MTX2: variants seen among roughly 807,000 people sequenced by gnomAD.
MTX2 encodes metaxin-2.
MTX2 carries 35 observed loss-of-function variants against 42.3 expected under a neutral mutation model. That is an observed-to-expected ratio of 0.83 (90% CI 0.63 to 1.10). The LOEUF (loss-of-function observed/expected upper bound fraction) is 1.10. MTX2 is among the 50% of genes least tolerant of loss of function. The pLI is 0.00. For missense variants in MTX2, 307 were observed against 304.1 expected (o/e 1.01, Z -0.07); for synonymous variants, 119 against 100.9 (o/e 1.18, Z -1.08).
chr2:176,279,477 T>A (rs1483663061), intron 1 of MTX2, among the ~76,000 whole-genome samples: 1 of 152,126 alleles, frequency 6.6e-6, no homozygotes, highest in Non-Finnish European at 1.5e-5. Flanking sequence ...TATAGAAAAA[T>A]GTTTTGGCAT....
chr2:176,307,482 A>G (rs2105423565), intron 3 of MTX2, among the ~76,000 whole-genome samples: 1 of 152,334 alleles, frequency 6.6e-6, no homozygotes, highest in South Asian at 2.1e-4. Flanking sequence ...GAATCTATAA[A>G]TTACTTCAGG....
At chr2:176,272,722 A>G (rs1371018971) in intron 1 of MTX2, among the ~76,000 whole-genome samples, 2 of 152,168 alleles carry the variant, frequency 1.3e-5, no homozygotes, top group South Asian at 2.1e-4. Context: ...ATATGTTTAT[A>G]TATGTTAAGA....
At position 176,337,867 on chromosome 2, in the gene MTX2, TTCTG is replaced by T. The variant is rs1685036059; in HGVS notation, c.*205_*208del. ...GAATTATTTAATCTGATATGTTGTA[TTCTG>T]TATCTTGAAATTTTTGTTTCCTTGA... On this transcript the variant is annotated 3_prime_UTR_variant, in exon 10 of 10. Coordinates refer to ENST00000249442, the MANE Select transcript of MTX2 (RefSeq NM_006554.5). The T allele has an allele frequency of 5.2e-6, 2 of 386,548 alleles. No individual in the cohort carries two copies. Among genetic ancestry groups the T allele is most frequent in the Non-Finnish European group, 8.8e-6 (2 of 227,782 alleles). 23.9% of individuals were successfully genotyped at this position (386,548 alleles called of 1,614,324 possible).
At chr2:176,337,429 A>C in intron 9 of MTX2, 64 bp from the exon 10 acceptor site, 1 of 1,397,306 alleles carries the variant, frequency 7.2e-7, no homozygotes, top group Non-Finnish European at 9.7e-7. Flanking sequence ...AAGAGGGCCA[A>C]CTGTGTTTTC....
In MTX2 at chr2:176,326,877, A is replaced by G. The variant is rs1684719252; in HGVS notation, c.261A>G (p.Pro87=). ...VGNQVVSELG[P]IVQFVKAKGH... ...ATCAAGTAGTATCAGAACTTGGTCCAATAGTCCAATTTGTTAAAGCCAAGG... is the reference window on the plus strand; with the variant it reads ...ATCAAGTAGTATCAGAACTTGGTCCGATAGTCCAATTTGTTAAAGCCAAGG... The change falls in exon 5 of 10, where the codon CCA becomes CCG. Residue 87 remains proline, a synonymous_variant. Coordinates refer to ENST00000249442, the MANE Select transcript of MTX2 (RefSeq NM_006554.5). The G allele has an allele frequency of 1.9e-6, 3 of 1,570,746 alleles. No individual in the cohort carries two copies. In the African/African-American group the frequency reaches 4.1e-5, roughly 21 times the overall value.
At chr2:176,333,092 G>A (rs1166794674) in intron 9 of MTX2, among the ~76,000 whole-genome samples, 1 of 151,254 alleles carries the variant, frequency 6.6e-6, no homozygotes. Flanking sequence ...AATGTAAGAA[G>A]GCATCAAATT....
rs1443692243 is a variant in MTX2, at chr2:176,297,851, G to A, written c.91G>A (p.Glu31Lys). ...NATLYQQLKG[E>K]QILLSDNAAS... ...TATGCTTCATTGTATTTCCACAGGGGAGCAAATTTTACTTTCTGACAATGC... is the reference window on the plus strand; with the variant it reads ...TATGCTTCATTGTATTTCCACAGGGAAGCAAATTTTACTTTCTGACAATGC... Residue 31 changes from glutamate (E) to lysine (K), a missense_variant and splice_region_variant, in exon 3 of 10, where the codon GAG becomes AAG. By Grantham distance (56) the Glu-to-Lys change is moderately conservative. Transcript: ENST00000249442. 1 of 1,560,476 alleles carries A rather than the reference G, an allele frequency of 6.4e-7. No homozygotes were observed. The highest frequency in any genetic ancestry group is 2.3e-5 in the East Asian group (1 of 42,802).
chr2:176,276,992 G>A (rs892577990), intron 1 of MTX2, among the ~76,000 whole-genome samples: 1 of 152,012 alleles, frequency 6.6e-6, no homozygotes, highest in Non-Finnish European at 1.5e-5. Flanking sequence ...GTGGGCATTT[G>A]GGTGCTTAAT....
rs1324094468 is a variant in MTX2, at chr2:176,329,378, C to A, written c.495C>A (p.Val165=). ...HILAYQKQWE[V]KRKMKAIGWG... ...TGGCCTATCAAAAACAGTGGGAAGT[C>A]AAACGTAAGATGAAAGCTATTGGAT... Residue 165 remains valine, a synonymous_variant, in exon 8 of 10, where the codon GTC becomes GTA. Transcript: ENST00000249442. The A allele has an allele frequency of 4.4e-6, 7 of 1,607,522 alleles. No homozygotes were observed. The African/African-American group carries it at 8.1e-5, about 19-fold the overall frequency.
At chr2:176,303,014 T>C (rs1189553359) in intron 3 of MTX2, among the ~76,000 whole-genome samples, 1 of 152,144 alleles carries the variant, frequency 6.6e-6, no homozygotes, top group Non-Finnish European at 1.5e-5. Context: ...TAAATTTGTC[T>C]TGTCATTTAA....
chr2:176,296,898 CAATTGA>C lies in MTX2; in HGVS notation c.82_87del (p.Leu28_Lys29del). 2 of 1,613,056 alleles carry C rather than the reference CAATTGA, an allele frequency of 1.2e-6. No homozygotes were observed. Among genetic ancestry groups the C allele is most frequent in the Non-Finnish European group, 1.7e-6 (2 of 1,179,290 alleles). The stretch of plus-strand genomic sequence containing the variant: ...GCCTGAAAATGCTACATTATATCAG[CAATTGA>C]AAGGTAAGTCTTGTTCACAATTAAA... On this transcript the variant is annotated inframe_deletion, in exon 2 of 10. Transcript: ENST00000249442.
At chr2:176,301,628 T>G (rs1381582772) in intron 3 of MTX2, among the ~76,000 whole-genome samples, 2 of 152,132 alleles carry the variant, frequency 1.3e-5, no homozygotes, top group Non-Finnish European at 2.9e-5. Flanking sequence ...ACCCAGGAAG[T>G]CTGGATCGAC....
At chr2:176,322,950 A>G (rs1684619515) in intron 3 of MTX2, among the ~76,000 whole-genome samples, 1 of 151,912 alleles carries the variant, frequency 6.6e-6, no homozygotes, top group Non-Finnish European at 1.5e-5. Flanking sequence ...ACTTTGAGGT[A>G]GCAGAGATAG....
intron 1 of MTX2, among the ~76,000 whole-genome samples, chr2:176,277,624 A>C (rs188730327): frequency 6.6e-6 from 1 of 151,908 alleles, no homozygotes; most frequent in East Asian, 1.9e-4. Flanking sequence ...CTGGTCTCGA[A>C]CTCCCGACCT....
At chr2:176,289,747 A>G (rs1469796735) in intron 1 of MTX2, among the ~76,000 whole-genome samples, 1 of 152,118 alleles carries the variant, frequency 6.6e-6, no homozygotes, top group Non-Finnish European at 1.5e-5. Flanking sequence ...TTTCTTTATC[A>G]TGAAATAATT....
chr2:176,312,863 C>CA (rs557475003), intron 3 of MTX2, among the ~76,000 whole-genome samples: 9,254 of 55,218 alleles, frequency 0.17, 990 homozygotes, highest in African/African-American at 0.36. Flanking sequence ...AATGCCATCT[C>CA]AAAAAAAAAA....
At chr2:176,297,335 G>T (rs558484209) in intron 2 of MTX2, among the ~76,000 whole-genome samples, 1 of 152,244 alleles carries the variant, frequency 6.6e-6, no homozygotes, top group South Asian at 2.1e-4. Context: ...CCCCATTTGG[G>T]GCTTAGCAGC....
chr2:176,312,863 CAAAAAAAAAA>C (rs557475003), intron 3 of MTX2, among the ~76,000 whole-genome samples: 1 of 56,030 alleles, frequency 1.8e-5, no homozygotes, highest in African/African-American at 5.5e-5. Flanking sequence ...AATGCCATCT[CAAAAAAAAAA>C]AAAAAAAAAA....
chr2:176,320,602 C>T (rs1447695685), intron 3 of MTX2, among the ~76,000 whole-genome samples: 1 of 152,064 alleles, frequency 6.6e-6, no homozygotes, highest in Non-Finnish European at 1.5e-5. Flanking sequence ...ACTGATTCCC[C>T]ACCACCTCTT....
Sources: allele counts gnomAD v4.1 joint callset (sites outside exome capture counted in the v4.1 genomes callset), GRCh38; gene constraint gnomAD v4.1.1; transcripts MANE v1.5; gene names NCBI Gene and HGNC (gene_info 2026-07-23, HGNC 2026-07-21).